HECTD4: variants seen among roughly 807,000 people sequenced by gnomAD.
HECTD4 encodes the protein HECT domain E3 ubiquitin protein ligase 4.
A neutral mutation model predicts 471.5 loss-of-function variants in HECTD4; 114 were observed. The observed-to-expected ratio is 0.24, with a 90% CI of 0.21 to 0.28. The LOEUF (loss-of-function observed/expected upper bound fraction) is 0.28. Among genes scored for constraint, HECTD4 ranks in the 10% least tolerant of loss-of-function variants. The pLI, the probability that HECTD4 is intolerant of heterozygous loss-of-function variation, is 1.00. For missense variants in HECTD4, 3,866 were observed against 5,651.5 expected, an observed-to-expected ratio of 0.68 and a Z score of 10.13; for synonymous variants, 2,012 against 2,256.0, an observed-to-expected ratio of 0.89 and a Z score of 3.07.
intron 7 of HECTD4, among the ~76,000 whole-genome samples, chr12:112,299,623 A>C (rs76960187): frequency 2.0e-5 from 3 of 151,406 alleles, no homozygotes; most frequent in African/African-American, 4.9e-5. Flanking sequence ...TCTGTCTCAA[A>C]AAACAAACAA....
chr12:112,186,163 T>G (rs906460289), intron 60 of HECTD4, among the ~76,000 whole-genome samples: 6 of 151,920 alleles, frequency 3.9e-5, no homozygotes, highest in East Asian at 3.9e-4. Context: ...ATTTTTCTTT[T>G]GCAGAGACAG....
chr12:112,320,284 A>G (rs2135700599), intron 1 of HECTD4, among the ~76,000 whole-genome samples: 1 of 152,292 alleles, frequency 6.6e-6, no homozygotes, highest in East Asian at 1.9e-4. Flanking sequence ...GCAGTAAGCC[A>G]TGATGGTGCC....
rs908252354 is a variant in HECTD4, at chr12:112,191,062, G to A, written c.9293-97C>T. The A allele has an allele frequency of 1.9e-5, 19 of 1,002,488 alleles. No homozygotes were observed. In the Admixed American group the frequency reaches 4.2e-4, roughly 22 times the overall value. The allele number at this position is 1,002,488 out of a possible 1,614,324, so 62.1% of individuals were successfully genotyped here. A position where few individuals can be genotyped will look rare whatever the true frequency, so the allele number is the denominator to read the frequency against. On this transcript the variant is annotated intron_variant, in intron 59 of 75. Transcript: ENST00000682272. ...TGCCAGGTGTGCATGTAGAAACAGG[G>A]CTGGAGAGCCCACCCACTCATCTGC... is the stretch of plus-strand genomic sequence containing the variant.
intron 12 of HECTD4, 76 bp from the exon 13 acceptor site, chr12:112,269,925 T>C (rs1406551254): frequency 7.0e-6 from 9 of 1,283,004 alleles, no homozygotes; most frequent in Non-Finnish European, 1.0e-5. Context: ...AGAAAGTACA[T>C]GGTAGATATC....
At chr12:112,205,638 C>T (rs2135537156) in intron 52 of HECTD4, among the ~76,000 whole-genome samples, 1 of 151,748 alleles carries the variant, frequency 6.6e-6, no homozygotes, top group East Asian at 1.9e-4. Flanking sequence ...GCCGCCCAGG[C>T]TGGAGTGCAG....
intron 66 of HECTD4, 107 bp from the exon 67 acceptor site, chr12:112,172,968 G>C: frequency 1.0e-6 from 1 of 958,626 alleles, no homozygotes; most frequent in Non-Finnish European, 1.6e-6. Context: ...AGCACATTCA[G>C]AAGACGGCCT....
chr12:112,257,903 C>T (rs549741551), intron 20 of HECTD4, among the ~76,000 whole-genome samples: 1 of 152,184 alleles, frequency 6.6e-6, no homozygotes, highest in South Asian at 2.1e-4. Context: ...TTTTAAGAAA[C>T]AGCCGGCAGG....
chr12:112,275,088 G>C (rs2034499049), intron 9 of HECTD4, 128 bp from the exon 10 acceptor site: 1 of 575,762 alleles, frequency 1.7e-6, no homozygotes, highest in Admixed American at 3.3e-5. Context: ...GGTGGTAATT[G>C]GTGGTAAAGA....
rs368472962 is a variant in HECTD4 at position 112,230,680 on chromosome 12, C to A, written c.6336+7G>T. Reference sequence around the variant, plus strand: ...TTTTCTCAGTTGAGTAGCAACACTGCGCTAACCTTCTCTGCTGTTGTGGTC... The same window carrying A: ...TTTTCTCAGTTGAGTAGCAACACTGAGCTAACCTTCTCTGCTGTTGTGGTC... On this transcript the variant is annotated splice_region_variant and intron_variant, in intron 40 of 75. Coordinates refer to ENST00000682272, the MANE Select transcript of HECTD4 (RefSeq NM_001388303.1). 2 of 1,606,648 alleles carry A rather than the reference C, an allele frequency of 1.2e-6. No individual in the cohort carries two copies. Among genetic ancestry groups the A allele is most frequent in the East Asian group, 2.2e-5 (1 of 44,744 alleles).
intron 54 of HECTD4, chr12:112,201,079 CA>C (rs1480877954): frequency 2.0e-6 from 1 of 505,668 alleles, no homozygotes; most frequent in Admixed American, 2.3e-5. Flanking sequence ...TAACAAACAT[CA>C]GAAATGGGAG....
chr12:112,327,240 C>A (rs565506383), intron 1 of HECTD4, among the ~76,000 whole-genome samples: 1 of 152,020 alleles, frequency 6.6e-6, no homozygotes, highest in Admixed American at 6.6e-5. Context: ...CTGCTTGAAC[C>A]CGGGAGGTGG....
At chr12:112,330,605 G>C (rs549620558) in intron 1 of HECTD4, among the ~76,000 whole-genome samples, 1 of 152,206 alleles carries the variant, frequency 6.6e-6, no homozygotes, top group Non-Finnish European at 1.5e-5. Context: ...TTTACAGTTT[G>C]TCTTCCCTTT....
At position 112,309,550 on chromosome 12, in the gene HECTD4, A is replaced by G. The variant is rs2035333463; in HGVS notation, c.1025+11T>C. 1.7e-6 allele frequency: 2 copies of G among 1,211,060 alleles called. No individual in the cohort carries two copies. The highest frequency in any genetic ancestry group is 1.9e-4 in the Middle Eastern group (1 of 5,382). The allele number at this position is 1,211,060 out of a possible 1,614,324, so 75.0% of individuals were successfully genotyped here. On this transcript the variant is annotated intron_variant, in intron 5 of 75. Coordinates refer to ENST00000682272, the MANE Select transcript of HECTD4 (RefSeq NM_001388303.1). Reference sequence around the variant, plus strand: ...CTAGCCCAATCATTCAGGAAGTTCCATGCAACTGACCTGAGAGTACCATGT... The same window carrying G: ...CTAGCCCAATCATTCAGGAAGTTCCGTGCAACTGACCTGAGAGTACCATGT...
At chr12:112,246,616 C>A (rs1293192445) in intron 29 of HECTD4, among the ~76,000 whole-genome samples, 2 of 152,082 alleles carry the variant, frequency 1.3e-5, no homozygotes, top group African/African-American at 4.8e-5. Context: ...GTCTGGGCGA[C>A]AGAGTGAGAC....
intron 32 of HECTD4, among the ~76,000 whole-genome samples, chr12:112,242,024 T>C (rs1177762875): frequency 2.0e-5 from 3 of 152,206 alleles, no homozygotes; most frequent in African/African-American, 7.2e-5. Flanking sequence ...GCATTTTCTA[T>C]TTCTATTTGA....
Position 112,185,386 on chromosome 12 carries a change from G to C in HECTD4, c.9580C>G (p.Pro3194Ala). The change falls in exon 61 of 76, where the codon CCC (proline) becomes GCC (alanine). Residue 3194 changes from proline (P) to alanine (A), a missense_variant. Pro to Ala is a conservative substitution (Grantham distance 27). Around this residue, in one of 16 missense-constraint regions of HECTD4, gnomAD observed 364 missense variants for 413.2 expected, o/e 0.88. Coordinates refer to ENST00000682272, the MANE Select transcript of HECTD4 (RefSeq NM_001388303.1). The part of the protein sequence containing the change: ...TVHTLEQRRH[P>A]AGLSSSIALQ... The stretch of plus-strand genomic sequence containing the variant: ...GCGATTGAGGAGGACAGGCCAGCGG[G>C]GTGCCGCCTCTGCTCCAGGGTGTGC... 6.2e-7 allele frequency: 1 copy of C among 1,612,262 alleles called. No homozygotes were observed. Among genetic ancestry groups the C allele is most frequent in the Non-Finnish European group, 8.5e-7 (1 of 1,179,464 alleles).
rs745423381 is a variant in HECTD4, at chr12:112,172,797, C to A, written c.11659G>T (p.Val3887Leu). Reference sequence around the variant, plus strand: ...TGGTTGATGTACTGCACAAGTGCCACGTCCATCTCCAGGGTCCACTTTCTT... The same window carrying A: ...TGGTTGATGTACTGCACAAGTGCCAAGTCCATCTCCAGGGTCCACTTTCTT... ...ASRKWTLEMDVALVQYINQLC... is the reference protein window; with the variant it reads ...ASRKWTLEMDLALVQYINQLC... Residue 3887 changes from valine to leucine, a missense_variant, in exon 67 of 76, where the codon GTG (valine) becomes TTG (leucine). Coordinates refer to ENST00000682272, the MANE Select transcript of HECTD4 (RefSeq NM_001388303.1). 1.2e-6 allele frequency: 2 copies of A among 1,613,990 alleles called. No homozygotes were observed. Among genetic ancestry groups the A allele is most frequent in the Middle Eastern group, 1.7e-4 (1 of 6,060 alleles).
In HECTD4 at chr12:112,207,871, G is replaced by A. The variant is rs755745380; in HGVS notation, c.8131+3C>T. The A allele has an allele frequency of 2.2e-5, 36 of 1,613,670 alleles. No individual in the cohort carries two copies. Among genetic ancestry groups the A allele is most frequent in the African/African-American group, 4.0e-5 (3 of 74,884 alleles). On this transcript the variant is annotated splice_donor_region_variant and intron_variant, in intron 52 of 75. Transcript: ENST00000682272. ...CTCCTTAGCAGAACAAAAAGTACCAGACCTAGTTGTAAGGCCCCCTTTATC... is the reference window on the plus strand; with the variant it reads ...CTCCTTAGCAGAACAAAAAGTACCAAACCTAGTTGTAAGGCCCCCTTTATC...
chr12:112,347,027 G>A (rs1426888524), intron 1 of HECTD4, among the ~76,000 whole-genome samples: 4 of 152,046 alleles, frequency 2.6e-5, no homozygotes, highest in Admixed American at 2.6e-4. Context: ...CAAAATCTGT[G>A]GGTTGAATCT....
Sources: allele counts gnomAD v4.1 joint callset (sites outside exome capture counted in the v4.1 genomes callset), GRCh38; gene constraint gnomAD v4.1.1; regional missense constraint gnomAD v4.1.1; transcripts MANE v1.5; gene names NCBI Gene and HGNC (gene_info 2026-07-23, HGNC 2026-07-21).